DLC1: variants seen among roughly 807,000 people sequenced by gnomAD.
DLC1 encodes the protein rho GTPase-activating protein 7.
In DLC1, 54 loss-of-function variants were observed where a neutral mutation model predicts 140.3. That is an observed-to-expected ratio of 0.38 (90% confidence interval 0.31 to 0.48). DLC1 has a LOEUF of 0.48. DLC1 is among the 20% of genes least tolerant of loss of function. DLC1 has a pLI of 0.96. For synonymous variants in DLC1, 986 were observed against 728.1 expected, an observed-to-expected ratio of 1.35 and a Z score of -5.70; for missense variants, 2,536 against 1,907.0, an observed-to-expected ratio of 1.33 and a Z score of -6.14.
intron 2 of DLC1, among the ~76,000 whole-genome samples, chr8:13,495,335 A>C (rs1801452814): frequency 6.6e-6 from 1 of 152,164 alleles, no homozygotes; most frequent in African/African-American, 2.4e-5. Flanking sequence ...TGGTTTAAAG[A>C]GACCACTTCT....
At chr8:13,519,924 T>A (rs555552944) in intron 1 of DLC1, among the ~76,000 whole-genome samples, 47 of 152,232 alleles carry the variant, frequency 3.1e-4, no homozygotes, top group Non-Finnish European at 6.0e-4. Flanking sequence ...CACAGTGAGA[T>A]ACCATTTCAT....
chr8:13,188,843 ATTTTTTTTT>A (rs869162448), intron 5 of DLC1, among the ~76,000 whole-genome samples: 10 of 30,654 alleles, frequency 3.3e-4, no homozygotes, highest in African/African-American at 1.1e-3. Flanking sequence ...ATATATATAT[ATTTTTTTTT>A]TTTTTTTTTT....
chr8:13,163,119 C>T (rs1824844686), intron 5 of DLC1, among the ~76,000 whole-genome samples: 1 of 152,096 alleles, frequency 6.6e-6, no homozygotes. Context: ...CTTGGTGGCC[C>T]ACGATTTTAG....
chr8:13,148,958 A>G (rs1407030261), intron 5 of DLC1, among the ~76,000 whole-genome samples: 4 of 151,930 alleles, frequency 2.6e-5, no homozygotes, highest in Admixed American at 2.0e-4. Flanking sequence ...ACGCCCGGCT[A>G]ATTTTTTGTA....
At chr8:13,365,720 G>A (rs1229289439) in intron 4 of DLC1, among the ~76,000 whole-genome samples, 2 of 152,116 alleles carry the variant, frequency 1.3e-5, no homozygotes, top group Non-Finnish European at 2.9e-5. Context: ...TGCCTGCAGT[G>A]GGGAGAGCGG....
At chr8:13,260,735 T>A (rs1830440884) in intron 5 of DLC1, among the ~76,000 whole-genome samples, 1 of 152,080 alleles carries the variant, frequency 6.6e-6, no homozygotes, top group African/African-American at 2.4e-5. Context: ...ATTAGCAACA[T>A]AGAAGAAAGA....
intron 5 of DLC1, chr8:13,214,607 C>A (rs748978229): frequency 3.0e-6 from 2 of 655,768 alleles, no homozygotes; most frequent in Non-Finnish European, 5.6e-6. Flanking sequence ...GTGCAGTGTT[C>A]TGCCAGGCAC....
At chr8:13,451,308 C>T (rs1345164386) in intron 2 of DLC1, among the ~76,000 whole-genome samples, 1 of 152,054 alleles carries the variant, frequency 6.6e-6, no homozygotes, top group Non-Finnish European at 1.5e-5. Context: ...TGCAATGCTT[C>T]TTAATCACAT....
At chr8:13,095,272 G>C in intron 10 of DLC1, 27 bp from the exon 11 acceptor site, 1 of 1,613,934 alleles carries the variant, frequency 6.2e-7, no homozygotes. Flanking sequence ...AGATGGTGGT[G>C]TTGGCGGAGA....
chr8:13,245,949 G>A lies in DLC1; in HGVS notation c.1348+59320C>T, dbSNP rs139641106. ...ACTCCTGACCTCAAGTGATTCACCC[G>A]CCTCAACCCCTCAAAGTGCTGGGAT... is the stretch of plus-strand genomic sequence containing the variant. On this transcript the variant is annotated intron_variant, in intron 5 of 17. Coordinates refer to ENST00000276297, the MANE Select transcript of DLC1 (RefSeq NM_182643.3). Among the ~76,000 whole-genome samples the A allele has an allele frequency of 3.0e-4, 45 of 152,122 alleles. 1 individual carries two copies. The South Asian group carries it at 6.4e-3, about 22-fold the overall frequency.
At chr8:13,193,158 G>C (rs1236912453) in intron 5 of DLC1, among the ~76,000 whole-genome samples, 1 of 152,100 alleles carries the variant, frequency 6.6e-6, no homozygotes, top group Non-Finnish European at 1.5e-5. Context: ...GACACCTATT[G>C]ACTGTCACTC....
chr8:13,460,902 G>A (rs1028080726), intron 2 of DLC1, among the ~76,000 whole-genome samples: 5 of 152,212 alleles, frequency 3.3e-5, no homozygotes, highest in African/African-American at 9.6e-5. Context: ...GGGAAAAACA[G>A]GGTCCTGTGC....
At chr8:13,395,004 T>TTCTATCTATCTATCTA (rs57872249) in intron 3 of DLC1, among the ~76,000 whole-genome samples, 25,681 of 100,596 alleles carry the variant, frequency 0.26, 2,593 homozygotes, top group Admixed American at 0.28. Context: ...CTACTACATA[T>TTCTATCTATCTATCTA]TCTATCTATC....
At chr8:13,261,723 G>C (rs1312655459) in intron 5 of DLC1, among the ~76,000 whole-genome samples, 1 of 152,104 alleles carries the variant, frequency 6.6e-6, no homozygotes. Flanking sequence ...TGTAGGGTAT[G>C]AAAGAAGAGA....
intron 5 of DLC1, among the ~76,000 whole-genome samples, chr8:13,151,577 T>C (rs1823814633): frequency 6.6e-6 from 1 of 152,212 alleles, no homozygotes; most frequent in Admixed American, 6.5e-5. Context: ...TTAGATTTAA[T>C]TGACTGTAGC....
chr8:13,275,872 C>T (rs1831141459), intron 5 of DLC1, among the ~76,000 whole-genome samples: 1 of 152,204 alleles, frequency 6.6e-6, no homozygotes, highest in African/African-American at 2.4e-5. Flanking sequence ...ACCTGATCAG[C>T]TTCAGCTCCA....
chr8:13,585,322 G>A (rs1805262421), intron 1 of DLC1, among the ~76,000 whole-genome samples: 1 of 152,108 alleles, frequency 6.6e-6, no homozygotes, highest in East Asian at 1.9e-4. Context: ...CCAGCACTTT[G>A]AGAGGCTGAG....
At chr8:13,309,447 T>A (rs1410664810) in intron 4 of DLC1, among the ~76,000 whole-genome samples, 2 of 152,146 alleles carry the variant, frequency 1.3e-5, no homozygotes, top group Non-Finnish European at 2.9e-5. Context: ...TTCATTGAAG[T>A]TGGCCAATTA....
At chr8:13,587,885 C>G (rs901905413) in intron 1 of DLC1, among the ~76,000 whole-genome samples, 7 of 151,966 alleles carry the variant, frequency 4.6e-5, no homozygotes, top group East Asian at 1.9e-4. Context: ...ACTTTCTCAC[C>G]CTTCCCCTCA....
Sources: allele counts gnomAD v4.1 joint callset (sites outside exome capture counted in the v4.1 genomes callset), GRCh38; gene constraint gnomAD v4.1.1; transcripts MANE v1.5; gene names NCBI Gene and HGNC (gene_info 2026-07-23, HGNC 2026-07-21).